Variants in FOXN2 observed in about 807,000 individuals in gnomAD.
The protein encoded by FOXN2 is forkhead box N2.
FOXN2 carries 19 observed loss-of-function variants against 41.2 expected under a neutral mutation model. The observed-to-expected ratio is 0.46, with a 90% CI of 0.32 to 0.68. The LOEUF (loss-of-function observed/expected upper bound fraction) is 0.68, where lower values mean the gene tolerates loss of function less well. Among genes scored for constraint, FOXN2 ranks in the 30% least tolerant of loss-of-function variants. FOXN2 has a pLI of 0.03. For missense variants in FOXN2, 587 were observed against 509.4 expected (o/e 1.15, Z -1.47); for synonymous variants, 195 against 176.8 (o/e 1.10, Z -0.82).
chr2:48,359,947 A>T (rs1233187583), intron 4 of FOXN2, among the ~76,000 whole-genome samples: 1 of 152,102 alleles, frequency 6.6e-6, no homozygotes. Context: ...TTTCTGTTTT[A>T]GGTTTTTTTC....
intron 2 of FOXN2, among the ~76,000 whole-genome samples, chr2:48,340,095 A>G (rs931870954): frequency 6.6e-6 from 1 of 152,172 alleles, no homozygotes; most frequent in African/African-American, 2.4e-5. Context: ...TAAAGAAAAA[A>G]CCTTTTGTTA....
At position 48,376,381 on chromosome 2, in the gene FOXN2, A is replaced by AT. The variant is rs1673249135; in HGVS notation, c.*942dup. The stretch of plus-strand genomic sequence containing the variant: ...TAATCGGAATGGAGTGAAATGAAAC[A>AT]TTTTGAGTACTGATGGCATGTTATC... On this transcript the variant is annotated 3_prime_UTR_variant, in exon 7 of 7. Coordinates refer to ENST00000340553, the MANE Select transcript of FOXN2 (RefSeq NM_002158.4). 1 of 152,144 alleles carries AT rather than the reference A, an allele frequency of 6.6e-6. No individual in the cohort carries two copies. The highest frequency in any genetic ancestry group is 1.5e-5 in the Non-Finnish European group (1 of 67,978). 9.4% of individuals were successfully genotyped at this position (152,144 alleles called of 1,614,324 possible).
chr2:48,366,446 G>C (rs949594831), intron 5 of FOXN2, among the ~76,000 whole-genome samples: 2 of 152,014 alleles, frequency 1.3e-5, no homozygotes, highest in African/African-American at 4.8e-5. Context: ...AGTTCTCCCT[G>C]GCAGAGAGAA....
intron 5 of FOXN2, among the ~76,000 whole-genome samples, chr2:48,368,424 C>T (rs1174070466): frequency 2.0e-5 from 3 of 152,072 alleles, no homozygotes; most frequent in Non-Finnish European, 4.4e-5. Flanking sequence ...CTCGTAATCC[C>T]AGCACTTTGG....
chr2:48,337,591 C>G (rs1670451231), intron 2 of FOXN2, among the ~76,000 whole-genome samples: 1 of 152,058 alleles, frequency 6.6e-6, no homozygotes, highest in Non-Finnish European at 1.5e-5. Flanking sequence ...CAGGTGTGAG[C>G]CACCACGCCT....
intron 3 of FOXN2, 140 bp from the exon 4 acceptor site, chr2:48,358,907 C>G: frequency 3.3e-6 from 2 of 607,544 alleles, no homozygotes; most frequent in South Asian, 4.1e-5. Flanking sequence ...ACAGTGCACA[C>G]ATAGCAAGCT....
At chr2:48,365,101 C>T (rs1672448764) in intron 5 of FOXN2, among the ~76,000 whole-genome samples, 2 of 151,980 alleles carry the variant, frequency 1.3e-5, no homozygotes, top group South Asian at 4.2e-4. Flanking sequence ...ATTTTCATAA[C>T]CTTTAAAAAT....
At chr2:48,325,128 T>G (rs1669577406) in intron 1 of FOXN2, among the ~76,000 whole-genome samples, 1 of 152,186 alleles carries the variant, frequency 6.6e-6, no homozygotes, top group African/African-American at 2.4e-5. Context: ...TTTTGGTCTT[T>G]TGTACTTAAA....
intron 3 of FOXN2, 26 bp downstream of exon 3, chr2:48,346,777 T>C (rs777363762): frequency 6.6e-7 from 1 of 1,524,378 alleles, no homozygotes; most frequent in Non-Finnish European, 8.7e-7. Context: ...CATTGCTATA[T>C]TTGGTGAGGT....
chr2:48,338,280 C>T (rs1670497379), intron 2 of FOXN2, among the ~76,000 whole-genome samples: 1 of 152,084 alleles, frequency 6.6e-6, no homozygotes, highest in Non-Finnish European at 1.5e-5. Context: ...GGTTTGCTTG[C>T]AGCAAACAAA....
Position 48,374,971 on chromosome 2 carries a change from G to T in FOXN2, c.824G>T (p.Gly275Val). Residue 275 changes from glycine to valine, a missense_variant, in exon 7 of 7, where the codon GGC (glycine) becomes GTC (valine). Transcript: ENST00000340553. ...GCATTGCAAAAAAAGAGGAGTTACG[G>T]CAATGCATTTCATCATCCCAGTGCT... ...KTALQKKRSY[G>V]NAFHHPSAVR... The T allele has an allele frequency of 6.2e-7, 1 of 1,613,820 alleles. No individual in the cohort carries two copies.
At chr2:48,321,228 A>G (rs889624296) in intron 1 of FOXN2, among the ~76,000 whole-genome samples, 5 of 151,892 alleles carry the variant, frequency 3.3e-5, no homozygotes, top group South Asian at 2.1e-4. Context: ...GGAAATTTTG[A>G]CCAGCTTTTA....
At chr2:48,373,783 G>C (rs2104540551) in intron 6 of FOXN2, among the ~76,000 whole-genome samples, 1 of 152,254 alleles carries the variant, frequency 6.6e-6, no homozygotes, top group South Asian at 2.1e-4. Flanking sequence ...GTCAGGCATG[G>C]TGGCTCACGT....
At chr2:48,314,471 C>A (rs555702930), upstream of FOXN2, among the ~76,000 whole-genome samples, 1 of 152,244 alleles carries the variant, frequency 6.6e-6, no homozygotes, top group Admixed American at 6.5e-5. Context: ...CCGTGCCAGG[C>A]AGCCAGCCGG....
intron 2 of FOXN2, among the ~76,000 whole-genome samples, chr2:48,337,734 A>G (rs1459660789): frequency 6.6e-6 from 1 of 152,210 alleles, no homozygotes; most frequent in Non-Finnish European, 1.5e-5. Flanking sequence ...CTTAAAGACA[A>G]AAAGAATTGA....
At chr2:48,335,066 CTA>C (rs1269471695) in intron 2 of FOXN2, among the ~76,000 whole-genome samples, 1 of 152,038 alleles carries the variant, frequency 6.6e-6, no homozygotes, top group Non-Finnish European at 1.5e-5. Context: ...TGGTAAAGTT[CTA>C]ATGAAAATAA....
intron 3 of FOXN2, among the ~76,000 whole-genome samples, chr2:48,354,069 G>C (rs939288791): frequency 2.0e-5 from 3 of 152,102 alleles, no homozygotes; most frequent in South Asian, 2.1e-4. Context: ...TAGGTACTTA[G>C]AAATATAGGC....
chr2:48,364,810 C>T (rs1469760194), intron 5 of FOXN2, among the ~76,000 whole-genome samples: 2 of 152,248 alleles, frequency 1.3e-5, no homozygotes, highest in East Asian at 3.8e-4. Context: ...TTCATTGCAA[C>T]AGAGACCTAC....
chr2:48,321,691 G>A (rs1343994989), intron 1 of FOXN2, among the ~76,000 whole-genome samples: 2 of 151,516 alleles, frequency 1.3e-5, no homozygotes, highest in Non-Finnish European at 2.9e-5. Context: ...TGTGGTAAGG[G>A]TAAAAGTATT....
Sources: allele counts gnomAD v4.1 joint callset (sites outside exome capture counted in the v4.1 genomes callset), GRCh38; gene constraint gnomAD v4.1.1; transcripts MANE v1.5; gene names NCBI Gene and HGNC (gene_info 2026-07-23, HGNC 2026-07-21).